ELMO1: variants seen among roughly 807,000 people sequenced by gnomAD.
ELMO1 encodes engulfment and cell motility protein 1.
Under a neutral mutation model 98.9 loss-of-function variants are expected in ELMO1, and 26 were observed. The ratio of observed to expected loss-of-function variants is 0.26; its 90% CI spans 0.19 to 0.36. The LOEUF is 0.36. ELMO1 is among the 10% of genes least tolerant of loss of function. The pLI is 1.00. For synonymous variants in ELMO1, 346 were observed against 346.0 expected, an observed-to-expected ratio of 1.00 and a Z score of 0.00; for missense variants, 627 against 935.2, an observed-to-expected ratio of 0.67 and a Z score of 4.30.
At chr7:36,909,580 T>C (rs562967174) in intron 16 of ELMO1, among the ~76,000 whole-genome samples, 4 of 152,256 alleles carry the variant, frequency 2.6e-5, no homozygotes, top group Non-Finnish European at 5.9e-5. Flanking sequence ...TTGGTTCTTT[T>C]TTCGTGTGTG....
intron 13 of ELMO1, among the ~76,000 whole-genome samples, chr7:37,151,578 T>C (rs377404944): frequency 6.6e-6 from 1 of 152,286 alleles, no homozygotes; most frequent in East Asian, 1.9e-4. Flanking sequence ...AAAAATGTAA[T>C]GTTATCATAT....
chr7:37,430,173 C>T (rs1237375425), intron 1 of ELMO1, among the ~76,000 whole-genome samples: 6 of 152,182 alleles, frequency 3.9e-5, no homozygotes, highest in Non-Finnish European at 7.3e-5. Context: ...CACCAGTTCC[C>T]GAAGAGCTCC....
rs889247987 is a variant in ELMO1 at position 36,859,793 on chromosome 7, C to T, written c.1983+1866G>A. Among the ~76,000 whole-genome samples, 50 of 152,082 alleles carry T rather than the reference C, an allele frequency of 3.3e-4. 2 individuals carry two copies. Among genetic ancestry groups the T allele is most frequent in the Non-Finnish European group, 2.9e-5 (2 of 68,034 alleles). ...CAGGGTCGTTATACTTACAGTTGAC[C>T]CTTGAACAACATGGGTTTTAACTGT... On this transcript the variant is annotated intron_variant, in intron 21 of 21. Coordinates refer to ENST00000310758, the MANE Select transcript of ELMO1 (RefSeq NM_014800.11).
At chr7:37,292,605 G>A (rs1328262112) in intron 4 of ELMO1, among the ~76,000 whole-genome samples, 51 of 108,354 alleles carry the variant, frequency 4.7e-4, no homozygotes, top group Middle Eastern at 5.1e-3. Context: ...CTGCTGCCCC[G>A]TCCGGGATGT....
intron 16 of ELMO1, among the ~76,000 whole-genome samples, chr7:36,924,368 C>T (rs1235237834): frequency 1.3e-5 from 2 of 152,074 alleles, no homozygotes. Context: ...TAGGTGCTTC[C>T]CAGCGAGGGC....
chr7:37,121,816 C>G (rs1349162411), intron 14 of ELMO1, among the ~76,000 whole-genome samples: 2 of 151,994 alleles, frequency 1.3e-5, no homozygotes, highest in African/African-American at 4.8e-5. Flanking sequence ...CTCCAAGACA[C>G]ATAATACACA....
At position 37,334,896 on chromosome 7, in the gene ELMO1, T is replaced by C. The variant is rs182881883; in HGVS notation, c.78+7717A>G. On this transcript the variant is annotated intron_variant, in intron 2 of 21. Coordinates refer to ENST00000310758, the MANE Select transcript of ELMO1 (RefSeq NM_014800.11). ...GGGAATTAAACCCTTCCCAATATAC[T>C]GGGGTAGGCGTGCTATTATAATTTT... is the stretch of plus-strand genomic sequence containing the variant. Among the ~76,000 whole-genome samples, 18 of 152,272 alleles carry C rather than the reference T, an allele frequency of 1.2e-4. No homozygotes were observed. The East Asian group carries it at 3.5e-3, about 29-fold the overall frequency.
chr7:37,091,233 G>C (rs1784070592), intron 15 of ELMO1, among the ~76,000 whole-genome samples: 1 of 152,042 alleles, frequency 6.6e-6, no homozygotes, highest in Non-Finnish European at 1.5e-5. Flanking sequence ...TCAGCTTCCT[G>C]AGTAACTGGG....
chr7:37,285,186 G>A (rs1178643366), intron 4 of ELMO1, among the ~76,000 whole-genome samples: 16 of 151,828 alleles, frequency 1.1e-4, no homozygotes, highest in Admixed American at 7.2e-4. Context: ...TCTGGGGGAC[G>A]AGCAATGCCC....
chr7:37,345,354 G>A (rs1484483619), intron 1 of ELMO1, among the ~76,000 whole-genome samples: 2 of 152,040 alleles, frequency 1.3e-5, no homozygotes, highest in Non-Finnish European at 2.9e-5. Flanking sequence ...GTGTGGGAGG[G>A]GCAGGAATAC....
chr7:36,861,890 A>G, intron 20 of ELMO1, 154 bp from the exon 21 acceptor site: 1 of 688,882 alleles, frequency 1.5e-6, no homozygotes, highest in Non-Finnish European at 2.6e-6. Context: ...CATGCTCTTC[A>G]AGGTTCACGG....
chr7:37,190,449 T>C (rs566176757), intron 13 of ELMO1, among the ~76,000 whole-genome samples: 6 of 152,328 alleles, frequency 3.9e-5, no homozygotes, highest in Admixed American at 1.3e-4. Flanking sequence ...TATACTAAGA[T>C]GACATCATAA....
chr7:36,876,369 T>C (rs1803974205), intron 19 of ELMO1, among the ~76,000 whole-genome samples: 1 of 151,808 alleles, frequency 6.6e-6, no homozygotes, highest in Admixed American at 6.6e-5. Flanking sequence ...GTTGTGATAT[T>C]AAACTTTAGA....
At chr7:36,921,117 CA>C (rs200336595) in intron 16 of ELMO1, among the ~76,000 whole-genome samples, 6,568 of 152,260 alleles carry the variant, frequency 0.043, 260 homozygotes, top group African/African-American at 0.1. Context: ...CTTTGCCAGG[CA>C]CCACATTTGC....
At chr7:36,889,678 A>G (rs1805383397) in intron 17 of ELMO1, among the ~76,000 whole-genome samples, 1 of 152,254 alleles carries the variant, frequency 6.6e-6, no homozygotes, top group Admixed American at 6.5e-5. Context: ...AGGAATTCTG[A>G]GTAATCTTAA....
At chr7:37,443,975 G>A (rs1339099791) in intron 1 of ELMO1, among the ~76,000 whole-genome samples, 1 of 152,186 alleles carries the variant, frequency 6.6e-6, no homozygotes, top group Admixed American at 6.5e-5. Context: ...TGAGATCACA[G>A]CTCACTGCAG....
chr7:36,922,536 T>C (rs1359890846), intron 16 of ELMO1, among the ~76,000 whole-genome samples: 1 of 152,184 alleles, frequency 6.6e-6, no homozygotes, highest in African/African-American at 2.4e-5. Flanking sequence ...TGCGGGATCT[T>C]TTCTTTCTGA....
chr7:37,157,512 A>G (rs1287298881), intron 13 of ELMO1, among the ~76,000 whole-genome samples: 3 of 151,350 alleles, frequency 2.0e-5, no homozygotes, highest in Non-Finnish European at 3.0e-5. Flanking sequence ...AAGCATTCCT[A>G]TGTACCAAGA....
At chr7:37,062,023 G>C (rs984169492) in intron 15 of ELMO1, among the ~76,000 whole-genome samples, 1 of 152,172 alleles carries the variant, frequency 6.6e-6, no homozygotes, top group Non-Finnish European at 1.5e-5. Context: ...TCAACCTGCA[G>C]CATCCTAGTT....
Sources: allele counts gnomAD v4.1 joint callset (sites outside exome capture counted in the v4.1 genomes callset), GRCh38; gene constraint gnomAD v4.1.1; transcripts MANE v1.5; gene names NCBI Gene and HGNC (gene_info 2026-07-23, HGNC 2026-07-21).